Variants in ASIC5 observed in about 807,000 individuals in gnomAD.
The protein encoded by ASIC5 is bile acid-sensitive ion channel.
In ASIC5, 52 loss-of-function variants were observed where a neutral mutation model predicts 51.2. The observed-to-expected ratio is 1.02, with a 90% CI of 0.81 to 1.28. The LOEUF (loss-of-function observed/expected upper bound fraction) is 1.28, where lower values mean the gene tolerates loss of function less well. ASIC5 is among the 50% of genes most tolerant of loss of function. The pLI is 0.00. For synonymous variants in ASIC5, 231 were observed against 200.7 expected (o/e 1.15, Z -1.28); for missense variants, 635 against 595.0 (o/e 1.07, Z -0.70).
At chr4:155,842,397 T>A in intron 5 of ASIC5, 43 bp from the exon 6 acceptor site, 1 of 1,495,900 alleles carries the variant, frequency 6.7e-7, no homozygotes, top group South Asian at 1.3e-5. Flanking sequence ...TGTGTTTACA[T>A]CAATTCACTT....
At chr4:155,836,611 C>T in intron 8 of ASIC5, 78 bp downstream of exon 8, 2 of 861,524 alleles carry the variant, frequency 2.3e-6, no homozygotes, top group Non-Finnish European at 3.5e-6. Flanking sequence ...ATTTCATTTC[C>T]TGAGTCTTTG....
chr4:155,831,731 G>A (rs764352837), intron 9 of ASIC5, 93 bp downstream of exon 9: 25 of 738,838 alleles, frequency 3.4e-5, no homozygotes, highest in African/African-American at 9.3e-5. Context: ...CCAAGATGGC[G>A]CCACTGCACT....
chr4:155,852,098 G>T, intron 4 of ASIC5, 93 bp downstream of exon 4: 2 of 1,347,438 alleles, frequency 1.5e-6, no homozygotes, highest in Non-Finnish European at 2.1e-6. Context: ...TATCCAATGT[G>T]TGGGAACTAT....
intron 2 of ASIC5, among the ~76,000 whole-genome samples, chr4:155,856,236 C>T (rs557546111): frequency 1.3e-5 from 2 of 152,188 alleles, no homozygotes; most frequent in Non-Finnish European, 2.9e-5. Flanking sequence ...GCCTTTTCTT[C>T]TATTAATAAA....
At chr4:155,839,249 A>G (rs1301067564) in intron 6 of ASIC5, among the ~76,000 whole-genome samples, 2 of 152,072 alleles carry the variant, frequency 1.3e-5, no homozygotes, top group Non-Finnish European at 2.9e-5. Context: ...TTACAGATAA[A>G]GAAACTAAGC....
rs1037971539 is a variant in ASIC5, at chr4:155,863,760, G to A, written c.41-6C>T. The A allele has an allele frequency of 2.5e-6, 4 of 1,595,438 alleles. No individual in the cohort carries two copies. The African/African-American group carries it at 5.4e-5, about 22-fold the overall frequency. On this transcript the variant is annotated splice_region_variant and splice_polypyrimidine_tract_variant and intron_variant, in intron 1 of 9. Coordinates refer to ENST00000537611, the MANE Select transcript of ASIC5 (RefSeq NM_017419.3). ...CTTTATCTTTTCTAAGAGTCCTTAA[G>A]GTTTTGCCCATAAAATGATTAAACA...
chr4:155,852,562 A>G (rs773699479), intron 3 of ASIC5, among the ~76,000 whole-genome samples: 38 of 151,930 alleles, frequency 2.5e-4, no homozygotes, highest in Admixed American at 5.3e-4. Context: ...TATTTAAAAC[A>G]TTTAAAAAAA....
chr4:155,860,270 G>GATAATATAATATATATATATATAAT (rs1398063924), intron 2 of ASIC5, among the ~76,000 whole-genome samples: 1 of 151,470 alleles, frequency 6.6e-6, no homozygotes, highest in African/African-American at 2.4e-5. Context: ...TTATGTTTGT[G>GATAATATAATATATATATATATAAT]ATAATATAAT....
In ASIC5 at chr4:155,854,249, A is replaced by C; in HGVS notation, c.413T>G (p.Val138Gly). The C allele has an allele frequency of 6.2e-7, 1 of 1,613,346 alleles. No individual in the cohort carries two copies. The highest frequency in any genetic ancestry group is 8.5e-7 in the Non-Finnish European group (1 of 1,179,608). ...IFFLWHIVSK[V>G]LHLQEITANS... ...GGCAGTAATTTCTTGAAGATGGAGGACTTTGGATACAATGTGCCATAAGAA... is the reference window on the plus strand; with the variant it reads ...GGCAGTAATTTCTTGAAGATGGAGGCCTTTGGATACAATGTGCCATAAGAA... The change falls in exon 3 of 10, where the codon GTC becomes GGC. Residue 138 changes from valine (V) to glycine (G), a missense_variant. Transcript: ENST00000537611.
chr4:155,865,830 T>C (rs753859521), intron 1 of ASIC5, among the ~76,000 whole-genome samples: 1 of 152,112 alleles, frequency 6.6e-6, no homozygotes, highest in African/African-American at 2.4e-5. Context: ...AGACCTTGCA[T>C]TGAGTGCTGA....
intron 2 of ASIC5, among the ~76,000 whole-genome samples, chr4:155,856,177 G>A (rs192552320): frequency 1.3e-5 from 2 of 152,066 alleles, no homozygotes. Flanking sequence ...TTGGGATGTT[G>A]GGCTTTATTC....
intron 4 of ASIC5, among the ~76,000 whole-genome samples, chr4:155,851,562 CA>C (rs1434631247): frequency 6.6e-6 from 1 of 151,854 alleles, no homozygotes; most frequent in Non-Finnish European, 1.5e-5. Flanking sequence ...GTTATTTAAA[CA>C]AAAGGTCAGA....
At chr4:155,832,928 T>C (rs1740902754) in intron 8 of ASIC5, among the ~76,000 whole-genome samples, 1 of 152,126 alleles carries the variant, frequency 6.6e-6, no homozygotes, top group African/African-American at 2.4e-5. Context: ...AGGACTTTCC[T>C]GACAATAATC....
Position 155,830,032 on chromosome 4 carries a change from G to C in ASIC5, c.1342C>G (p.Gln448Glu). Residue 448 changes from glutamine to glutamate, a missense_variant, in exon 10 of 10, where the codon CAG becomes GAG. Coordinates refer to ENST00000537611, the MANE Select transcript of ASIC5 (RefSeq NM_017419.3). ...CTGGCCCCACAAAATAGACCCAGCT[G>C]ACCACCAAGATCTGCTGTAATAAAA... ...VSELLADLGG[Q>E]LGLFCGASLI... is the part of the protein sequence containing the mutation. The C allele has an allele frequency of 6.4e-7, 1 of 1,551,886 alleles. No homozygotes were observed. The highest frequency in any genetic ancestry group is 8.7e-7 in the Non-Finnish European group (1 of 1,151,728).
intron 2 of ASIC5, among the ~76,000 whole-genome samples, chr4:155,858,561 G>A (rs1741607135): frequency 6.6e-6 from 1 of 152,080 alleles, no homozygotes; most frequent in Non-Finnish European, 1.5e-5. Context: ...ATTTTGCTAA[G>A]GTTGAGGATG....
chr4:155,843,054 G>C (rs1741156890), intron 5 of ASIC5, among the ~76,000 whole-genome samples: 1 of 152,032 alleles, frequency 6.6e-6, no homozygotes, highest in African/African-American at 2.4e-5. Context: ...GAAAGAATCA[G>C]GTGGGAAAGG....
chr4:155,840,225 T>C (rs1369388339), intron 6 of ASIC5, among the ~76,000 whole-genome samples: 1 of 151,844 alleles, frequency 6.6e-6, no homozygotes, highest in African/African-American at 2.4e-5. Flanking sequence ...TTCAGACTTC[T>C]TTCCAGCAAC....
intron 1 of ASIC5, 69 bp from the exon 2 acceptor site, chr4:155,863,823 A>G (rs1447985366): frequency 7.3e-6 from 9 of 1,237,292 alleles, no homozygotes; most frequent in East Asian, 4.8e-5. Context: ...CTATCCGTAA[A>G]AAAACACAAC....
rs1187605347 is a variant in ASIC5 at position 155,829,913 on chromosome 4, C to T, written c.1461G>A (p.Gln487=). Residue 487 remains glutamine, a synonymous_variant, in exon 10 of 10, where the codon CAG becomes CAA. Transcript: ENST00000537611. ...GATGATTCTGAGGTGGAGGAGTCCA[C>T]TGGGTCATTTCAGATATCTTCAGCA... is the stretch of plus-strand genomic sequence containing the variant. The part of the protein sequence containing the change: ...FFLLKISEMT[Q]WTPPPQNHLG... 3 of 1,605,882 alleles carry T rather than the reference C, an allele frequency of 1.9e-6. No individual in the cohort carries two copies. In the South Asian group the frequency reaches 3.3e-5, roughly 18 times the overall value.
Sources: gnomAD v4.1 joint callset for allele counts (sites outside exome capture counted in the v4.1 genomes callset) on GRCh38, gnomAD v4.1.1 for gene constraint, MANE v1.5 for transcripts, NCBI Gene and HGNC (gene_info 2026-07-23, HGNC 2026-07-21) for gene names.